PPEF2: variants seen among roughly 807,000 people sequenced by gnomAD.
PPEF2 encodes the protein serine/threonine-protein phosphatase with EF-hands 2.
PPEF2 carries 84 observed loss-of-function variants against 84.7 expected under a neutral mutation model. That is an observed-to-expected ratio of 0.99 (90% CI 0.83 to 1.19). The LOEUF is 1.19. PPEF2 is among the 50% of genes most tolerant of loss of function. The pLI, the probability that PPEF2 is intolerant of heterozygous loss-of-function variation, is 0.00. For missense variants in PPEF2, 924 were observed against 937.5 expected, an observed-to-expected ratio of 0.99 and a Z score of 0.19; for synonymous variants, 346 against 345.2, an observed-to-expected ratio of 1.00 and a Z score of -0.03.
At chr4:75,894,571 A>T (rs1724964587) in intron 2 of PPEF2, among the ~76,000 whole-genome samples, 1 of 152,224 alleles carries the variant, frequency 6.6e-6, no homozygotes, top group Non-Finnish European at 1.5e-5. Flanking sequence ...AGGCAGTTAG[A>T]GGCACTGAAG....
At chr4:75,865,097 C>T (rs920446618) in intron 15 of PPEF2, among the ~76,000 whole-genome samples, 14 of 151,790 alleles carry the variant, frequency 9.2e-5, no homozygotes, top group African/African-American at 2.4e-4. Context: ...CCACCATGCC[C>T]GGCTAATTTT....
At chr4:75,896,709 G>A (rs1725017527) in intron 1 of PPEF2, among the ~76,000 whole-genome samples, 1 of 152,050 alleles carries the variant, frequency 6.6e-6, no homozygotes, top group South Asian at 2.1e-4. Context: ...TTCTCATCCA[G>A]ATTTATCTCA....
intron 10 of PPEF2, among the ~76,000 whole-genome samples, chr4:75,880,789 C>G (rs548099859): frequency 6.9e-6 from 1 of 144,542 alleles, no homozygotes; most frequent in East Asian, 2.1e-4. Flanking sequence ...TAGTGAGACC[C>G]CATCCCTATA....
chr4:75,895,765 A>T (rs1724995842), intron 2 of PPEF2, among the ~76,000 whole-genome samples: 1 of 151,540 alleles, frequency 6.6e-6, no homozygotes, highest in Non-Finnish European at 1.5e-5. Flanking sequence ...TAGAGATAGG[A>T]TCCTTGATCT....
intron 11 of PPEF2, 52 bp downstream of exon 11, chr4:75,876,235 T>G (rs2149218439): frequency 6.5e-7 from 1 of 1,529,420 alleles, no homozygotes; most frequent in Non-Finnish European, 8.8e-7. Context: ...GAAGGGAGAG[T>G]TTTGACCTGT....
At chr4:75,898,951 C>T (rs1010349079) in intron 1 of PPEF2, among the ~76,000 whole-genome samples, 3 of 152,152 alleles carry the variant, frequency 2.0e-5, no homozygotes, top group Non-Finnish European at 2.9e-5. Context: ...AGTGCCAGAA[C>T]TTATTCCTTC....
intron 10 of PPEF2, among the ~76,000 whole-genome samples, chr4:75,878,766 C>T (rs1302563440): frequency 6.6e-6 from 1 of 152,114 alleles, no homozygotes; most frequent in Non-Finnish European, 1.5e-5. Flanking sequence ...CCACCTCTTC[C>T]GATTCTCAGG....
intron 13 of PPEF2, among the ~76,000 whole-genome samples, chr4:75,868,312 T>C: frequency 6.7e-4 from 1 of 1,486 alleles, no homozygotes; most frequent in African/African-American, 8.4e-4. Flanking sequence ...TAAGACCCTG[T>C]CTCAAAAAAA....
chr4:75,864,676 C>A lies in PPEF2; in HGVS notation c.1921-149G>T. On this transcript the variant is annotated intron_variant, in intron 15 of 16. Transcript: ENST00000286719. ...CCTCCATTCCCTCTACCCAGTTCAG[C>A]CCATCAAATAATCTAGTGGTTTAAG... 2 of 630,666 alleles carry A rather than the reference C, an allele frequency of 3.2e-6. 1 individual carries two copies. Among genetic ancestry groups the A allele is most frequent in the Non-Finnish European group, 5.6e-6 (2 of 359,256 alleles). The allele number at this position is 630,666 out of a possible 1,614,324, so 39.1% of individuals were successfully genotyped here.
At position 75,895,351 on chromosome 4, in the gene PPEF2, C is replaced by T. The variant is rs368329240; in HGVS notation, c.55+920G>A. Among the ~76,000 whole-genome samples, 87 of 151,500 alleles carry T rather than the reference C, an allele frequency of 5.7e-4. No individual in the cohort carries two copies. In the East Asian group the frequency reaches 0.012, roughly 21 times the overall value. ...GGCTGAGGCAGGAGAATCGCTTGAACCCAGGAGGCGGAGGTTGCAGTGAGC... is the reference window on the plus strand; with the variant it reads ...GGCTGAGGCAGGAGAATCGCTTGAATCCAGGAGGCGGAGGTTGCAGTGAGC... On this transcript the variant is annotated intron_variant, in intron 2 of 16. Transcript: ENST00000286719.
At chr4:75,876,229 G>A in intron 11 of PPEF2, 58 bp downstream of exon 11, 1 of 1,518,706 alleles carries the variant, frequency 6.6e-7, no homozygotes, top group South Asian at 1.3e-5. Context: ...TCCCTGGAAG[G>A]GAGAGTTTTG....
rs369120971 is a variant in PPEF2 at position 75,883,069 on chromosome 4, C to T, written c.790G>A (p.Gly264Arg). ...KEVMNKYKVHGKEILRTLQDV... is the reference protein window; with the variant it reads ...KEVMNKYKVHRKEILRTLQDV... ...TGCAGGGTTCTTAGTATTTCCTTCC[C>T]GTGTACCTGGAAAAAATGATATAAA... Residue 264 changes from glycine (G) to arginine (R), a missense_variant, in exon 10 of 17, where the codon GGG becomes AGG. By Grantham distance (125) the Gly-to-Arg change is moderately radical (BLOSUM62 -2). Coordinates refer to ENST00000286719, the MANE Select transcript of PPEF2 (RefSeq NM_006239.3). The T allele has an allele frequency of 1.2e-4, 197 of 1,613,734 alleles. No homozygotes were observed. In the Admixed American group the frequency reaches 2.2e-3, roughly 18 times the overall value.
chr4:75,883,491 T>C lies in PPEF2; in HGVS notation c.747-289A>G, dbSNP rs13113417. On this transcript the variant is annotated intron_variant, in intron 8 of 16. Coordinates refer to ENST00000286719, the MANE Select transcript of PPEF2 (RefSeq NM_006239.3). ...GTGTATGCAAAAACAAATTCAATGG[T>C]TTCATTGGAATAGTAAAATAATGTG... The C allele has an allele frequency of 2.3e-3, 903 of 389,934 alleles. 1 individual carries two copies. The highest frequency in any genetic ancestry group is 3.4e-3 in the Non-Finnish European group (751 of 217,862). The allele number at this position is 389,934 out of a possible 1,614,324, so 24.2% of individuals were successfully genotyped here. A position where few individuals can be genotyped will look rare whatever the true frequency, so the allele number is the denominator to read the frequency against.
intron 6 of PPEF2, among the ~76,000 whole-genome samples, chr4:75,887,673 C>G (rs1163739340): frequency 6.6e-6 from 1 of 151,724 alleles, no homozygotes. Context: ...GCAAGACCAT[C>G]TGCAGGCTGC....
At chr4:75,900,077 G>A (rs1725087555) in intron 1 of PPEF2, among the ~76,000 whole-genome samples, 1 of 152,132 alleles carries the variant, frequency 6.6e-6, no homozygotes, top group Non-Finnish European at 1.5e-5. Flanking sequence ...TTGATGGACT[G>A]AATCTGATGT....
chr4:75,896,311 G>A lies in PPEF2; in HGVS notation c.15C>T (p.Thr5=), dbSNP rs1299887514. 4.3e-6 allele frequency: 7 copies of A among 1,614,112 alleles called. 1 individual carries two copies. In the South Asian group the frequency reaches 7.7e-5, roughly 18 times the overall value. MGSG[T]STQHHFAFQN... ...GGAAAGCAAAATGATGTTGGGTGGA[G>A]GTGCCGCTTCCCATAGTTTAAGCGC... Residue 5 remains threonine, a synonymous_variant, in exon 2 of 17, where the codon ACC becomes ACT. Transcript: ENST00000286719.
In PPEF2 at chr4:75,860,628, G is replaced by T. The variant is rs760520167; in HGVS notation, c.*39C>A. ...ATAGTCTAGTGAGAAGCTGAGCATT[G>T]CCTATGAGGCACTTTGGGTGATGAA... On this transcript the variant is annotated 3_prime_UTR_variant, in exon 17 of 17. Transcript: ENST00000286719. 26 of 1,608,388 alleles carry T rather than the reference G, an allele frequency of 1.6e-5. No homozygotes were observed. In the South Asian group the frequency reaches 2.8e-4, roughly 17 times the overall value.
intron 5 of PPEF2, chr4:75,889,160 C>T (rs1383982136): frequency 6.6e-6 from 1 of 152,300 alleles, no homozygotes; most frequent in African/African-American, 2.4e-5. Context: ...TGCAGTGAGC[C>T]GAGATCGCGC....
intron 16 of PPEF2, among the ~76,000 whole-genome samples, chr4:75,861,687 A>C: frequency 7.5e-6 from 1 of 133,222 alleles, no homozygotes; most frequent in East Asian, 3.1e-4. Flanking sequence ...TCAGCTCACT[A>C]CAAGCTCTGC....
Sources: allele counts gnomAD v4.1 joint callset (sites outside exome capture counted in the v4.1 genomes callset), GRCh38; gene constraint gnomAD v4.1.1; transcripts MANE v1.5; gene names NCBI Gene and HGNC (gene_info 2026-07-23, HGNC 2026-07-21).